The following HRH1 variants were observed in gnomAD, a reference collection of about 807,000 sequenced individuals.
HRH1 encodes histamine H1 receptor.
In HRH1, 6 loss-of-function variants were observed where a neutral mutation model predicts 10.3. The observed-to-expected ratio is 0.58, with a 90% CI of 0.32 to 1.15. The LOEUF (loss-of-function observed/expected upper bound fraction) is 1.15, where lower values mean the gene tolerates loss of function less well. HRH1 is among the 50% of genes most tolerant of loss of function. The pLI, the probability that HRH1 is intolerant of heterozygous loss-of-function variation, is 0.05. For missense variants in HRH1, 514 were observed against 615.3 expected (o/e 0.84, Z 1.74); for synonymous variants, 242 against 236.7 (o/e 1.02, Z -0.21).
intron 1 of HRH1, among the ~76,000 whole-genome samples, chr3:11,188,494 G>A (rs904898272): frequency 1.3e-5 from 2 of 152,166 alleles, no homozygotes; most frequent in East Asian, 3.9e-4. Flanking sequence ...AGTGGAGGCA[G>A]CAGTGAGCTG....
At chr3:11,164,296 T>C (rs1936987803) in intron 1 of HRH1, among the ~76,000 whole-genome samples, 1 of 152,072 alleles carries the variant, frequency 6.6e-6, no homozygotes, top group South Asian at 2.1e-4. Flanking sequence ...CAAAGGAGTG[T>C]TCTGTGTAAA....
rs1936733746 is a variant in HRH1, at chr3:11,154,545, G to T, written c.-45G>T. 1 of 150,752 alleles carries T rather than the reference G, an allele frequency of 6.6e-6. No individual in the cohort carries two copies. Among genetic ancestry groups the T allele is most frequent in the Non-Finnish European group, 1.5e-5 (1 of 67,572 alleles). 9.3% of individuals were successfully genotyped at this position (150,752 alleles called of 1,614,324 possible). On this transcript the variant is annotated 5_prime_UTR_variant, in exon 1 of 2. Coordinates refer to ENST00000431010, the MANE Select transcript of HRH1 (RefSeq NM_001098212.2). The surrounding 1 kb of genome is among the most constrained non-coding windows in gnomAD (Gnocchi z 4.4). ...AACGCGCCACCAAACTTTCCCCGGA[G>T]CCGGCGCCGGTGAGTCGCAGCGGGG... is the stretch of plus-strand genomic sequence containing the variant.
intron 1 of HRH1, among the ~76,000 whole-genome samples, chr3:11,172,944 G>A (rs749550150): frequency 2.0e-5 from 3 of 152,022 alleles, no homozygotes; most frequent in Non-Finnish European, 4.4e-5. Context: ...TGATCCACCC[G>A]TCTCGGCCTC....
chr3:11,171,187 G>T (rs1267792732), intron 1 of HRH1, among the ~76,000 whole-genome samples: 3 of 149,862 alleles, frequency 2.0e-5, no homozygotes, highest in Non-Finnish European at 2.9e-5. Context: ...CACAATCTCA[G>T]CTCAGTGTAA....
At chr3:11,234,212 C>T in intron 1 of HRH1, 1 of 1,299,966 alleles carries the variant, frequency 7.7e-7, no homozygotes, top group South Asian at 1.4e-5. Flanking sequence ...TGCAAAAGGT[C>T]CACTCCAAAA....
intron 1 of HRH1, among the ~76,000 whole-genome samples, chr3:11,247,297 A>G (rs969935755): frequency 6.6e-6 from 1 of 152,190 alleles, no homozygotes; most frequent in African/African-American, 2.4e-5. Context: ...GAAAAACAGC[A>G]CGTAGGCAGA....
Position 11,216,411 on chromosome 3 carries a change from G to A in HRH1, c.-35-42592G>A, listed in dbSNP as rs141903520. 2.1e-3 allele frequency among the ~76,000 whole-genome samples: 326 copies of A among 152,266 alleles called. 3 individuals are homozygous for A. The highest frequency in any genetic ancestry group is 7.2e-3 in the African/African-American group (301 of 41,538). On this transcript the variant is annotated intron_variant, in intron 1 of 1. Coordinates refer to ENST00000431010, the MANE Select transcript of HRH1 (RefSeq NM_001098212.2). ...GATGAATGGATACACAAAATGTGGC[G>A]TATTCATACAATAAAATATTATTCA...
chr3:11,225,019 G>A (rs1938837640), intron 1 of HRH1, among the ~76,000 whole-genome samples: 2 of 152,196 alleles, frequency 1.3e-5, no homozygotes. Flanking sequence ...CGTCAAAGTG[G>A]ATGCTCCACT....
intron 1 of HRH1, among the ~76,000 whole-genome samples, chr3:11,167,091 T>C (rs56176543): frequency 0.097 from 12,400 of 127,988 alleles, 716 homozygotes; most frequent in Middle Eastern, 0.18. Context: ...TCTCCAGGCC[T>C]GTGACATCTG....
chr3:11,206,374 T>C (rs1938127202), intron 1 of HRH1, among the ~76,000 whole-genome samples: 1 of 152,226 alleles, frequency 6.6e-6, no homozygotes, highest in Non-Finnish European at 1.5e-5. Flanking sequence ...TGCTTCGGCC[T>C]TCCGAAGTGC....
intron 1 of HRH1, among the ~76,000 whole-genome samples, chr3:11,209,033 C>T (rs570353182): frequency 6.6e-6 from 1 of 152,248 alleles, no homozygotes; most frequent in South Asian, 2.1e-4. Context: ...CACGTAGATG[C>T]TAAAATCTAA....
intron 1 of HRH1, among the ~76,000 whole-genome samples, chr3:11,233,419 T>A (rs1939094199): frequency 6.6e-6 from 1 of 152,168 alleles, no homozygotes; most frequent in Admixed American, 6.5e-5. Flanking sequence ...TCTTTTTTGT[T>A]GTTGTTGTTG....
chr3:11,243,807 A>G (rs138907948), intron 1 of HRH1, among the ~76,000 whole-genome samples: 1 of 152,302 alleles, frequency 6.6e-6, no homozygotes, highest in Non-Finnish European at 1.5e-5. Flanking sequence ...TTGCCTTGAG[A>G]GAGGCAGTTC....
rs574818236 is a variant in HRH1 at position 11,157,622 on chromosome 3, A to G, written c.-36+3068A>G. On this transcript the variant is annotated intron_variant, in intron 1 of 1. Coordinates refer to ENST00000431010, the MANE Select transcript of HRH1 (RefSeq NM_001098212.2). ...TGCTGATGCTGTCGGAGGGGGGGCC[A>G]GGATGCCTTGCCTCTTTTATGCATT... Among the ~76,000 whole-genome samples, 3 of 152,380 alleles carry G rather than the reference A, an allele frequency of 2.0e-5. No homozygotes were observed. In the East Asian group the frequency reaches 5.8e-4, roughly 29 times the overall value.
intron 1 of HRH1, among the ~76,000 whole-genome samples, chr3:11,144,454 T>C (rs1936375868): frequency 2.6e-5 from 4 of 151,598 alleles, no homozygotes; most frequent in South Asian, 2.1e-4. Flanking sequence ...CATACGTCTA[T>C]AGGTATATAT....
chr3:11,146,373 G>C (rs1274946668), intron 1 of HRH1, among the ~76,000 whole-genome samples: 7 of 152,134 alleles, frequency 4.6e-5, no homozygotes, highest in Non-Finnish European at 2.9e-5. Flanking sequence ...TTCTGGCTTT[G>C]TAGAAAAAGA....
chr3:11,139,611 T>C (rs1936253612), intron 1 of HRH1, among the ~76,000 whole-genome samples: 1 of 152,082 alleles, frequency 6.6e-6, no homozygotes, highest in African/African-American at 2.4e-5. Context: ...ATAACCCATA[T>C]GTCCATCAAC....
At chr3:11,163,250 C>T (rs557049109) in intron 1 of HRH1, among the ~76,000 whole-genome samples, 2 of 152,266 alleles carry the variant, frequency 1.3e-5, no homozygotes, top group African/African-American at 2.4e-5. Flanking sequence ...TACCTCCAGG[C>T]AGCCCCCTTC....
intron 1 of HRH1, among the ~76,000 whole-genome samples, chr3:11,237,753 G>A (rs1020029343): frequency 7.8e-6 from 1 of 127,892 alleles, no homozygotes; most frequent in Non-Finnish European, 1.5e-5. Context: ...TCAGCTCACT[G>A]CAACCTCTAC....
Sources: allele counts gnomAD v4.1 joint callset (sites outside exome capture counted in the v4.1 genomes callset), GRCh38; gene constraint gnomAD v4.1.1; non-coding constraint Gnocchi (gnomAD v3.1); transcripts MANE v1.5; gene names NCBI Gene and HGNC (gene_info 2026-07-23, HGNC 2026-07-21).